Variants in DGKI observed in about 807,000 individuals in gnomAD.
DGKI encodes the protein diacylglycerol kinase iota, also known as DAG kinase iota.
Under a neutral mutation model 147.5 loss-of-function variants are expected in DGKI, and 55 were observed. The observed-to-expected ratio is 0.37, with a 90% CI of 0.30 to 0.47. DGKI has a LOEUF of 0.47. Among genes scored for constraint, DGKI ranks in the 20% least tolerant of loss-of-function variants. The pLI is 1.00. For missense variants in DGKI, 1,007 were observed against 1,323.8 expected (o/e 0.76, Z 3.71); for synonymous variants, 469 against 477.1 (o/e 0.98, Z 0.22).
chr7:137,622,857 T>A, intron 7 of DGKI, among the ~76,000 whole-genome samples: 1 of 152,018 alleles, frequency 6.6e-6, no homozygotes, highest in East Asian at 1.9e-4. Context: ...AAAGGTAGAT[T>A]AAAGAAAAAT....
At chr7:137,617,434 C>T (rs1820573392) in intron 8 of DGKI, among the ~76,000 whole-genome samples, 1 of 151,654 alleles carries the variant, frequency 6.6e-6, no homozygotes, top group African/African-American at 2.4e-5. Flanking sequence ...ATATTTTAGA[C>T]AACAGGAAAA....
intron 1 of DGKI, among the ~76,000 whole-genome samples, chr7:137,757,895 T>G (rs753473361): frequency 1.3e-5 from 2 of 152,148 alleles, no homozygotes; most frequent in Non-Finnish European, 2.9e-5. Context: ...TTAAGACATA[T>G]AGCGAAATTG....
chr7:137,759,264 A>T (rs1018934700), intron 1 of DGKI, among the ~76,000 whole-genome samples: 1 of 151,786 alleles, frequency 6.6e-6, no homozygotes, highest in African/African-American at 2.4e-5. Context: ...CACTGAGACA[A>T]TGGCCTCCAG....
chr7:137,413,534 A>C (rs537274835), intron 28 of DGKI, among the ~76,000 whole-genome samples: 2 of 152,248 alleles, frequency 1.3e-5, no homozygotes, highest in South Asian at 4.2e-4. Context: ...AAGATGCAAT[A>C]TTTGGTTTTC....
chr7:137,421,991 C>T (rs1412784873), intron 28 of DGKI, among the ~76,000 whole-genome samples: 1 of 152,194 alleles, frequency 6.6e-6, no homozygotes, highest in African/African-American at 2.4e-5. Flanking sequence ...CTTTGTAAAT[C>T]TCATGGTGTT....
chr7:137,599,736 TACCTCACAAGG>T lies in DGKI; in HGVS notation c.1250+76_1250+86del. The T allele has an allele frequency of 2.5e-6, 3 of 1,207,336 alleles. No homozygotes were observed. The South Asian group carries it at 3.8e-5, about 15-fold the overall frequency. The allele number at this position is 1,207,336 out of a possible 1,614,324, so 74.8% of individuals were successfully genotyped here. A position where few individuals can be genotyped will look rare whatever the true frequency, so the allele number is the denominator to read the frequency against. Reference sequence around the variant, plus strand: ...AGGTAGATGACAGATGGTCAGGATATACCTCACAAGGTAATCAGATAATGAAGCAGAAAATT... The same window carrying T: ...AGGTAGATGACAGATGGTCAGGATATTAATCAGATAATGAAGCAGAAAATT... On this transcript the variant is annotated intron_variant, in intron 11 of 32. Transcript: ENST00000614521.
chr7:137,830,750 T>C (rs1355163911), intron 1 of DGKI, among the ~76,000 whole-genome samples: 1 of 152,192 alleles, frequency 6.6e-6, no homozygotes, highest in Non-Finnish European at 1.5e-5. Flanking sequence ...TTATCCTGAA[T>C]GTCCTCCAGA....
intron 1 of DGKI, among the ~76,000 whole-genome samples, chr7:137,822,411 A>T (rs1797931899): frequency 6.6e-6 from 1 of 152,134 alleles, no homozygotes; most frequent in Non-Finnish European, 1.5e-5. Context: ...TGTCTCCAAA[A>T]TAATAATAAT....
intron 13 of DGKI, 48 bp downstream of exon 13, chr7:137,587,049 C>T: frequency 7.5e-7 from 1 of 1,339,780 alleles, no homozygotes; most frequent in South Asian, 1.6e-5. Flanking sequence ...GATCTGGAAT[C>T]CGGTTTGTTG....
intron 28 of DGKI, among the ~76,000 whole-genome samples, chr7:137,443,331 A>G (rs1813584587): frequency 6.6e-6 from 1 of 152,196 alleles, no homozygotes; most frequent in Non-Finnish European, 1.5e-5. Context: ...TGTACTAGGG[A>G]AAAGAAATAT....
chr7:137,414,419 G>A (rs988751882), intron 28 of DGKI, among the ~76,000 whole-genome samples: 2 of 152,016 alleles, frequency 1.3e-5, no homozygotes, highest in Non-Finnish European at 2.9e-5. Context: ...CTAGCATAAT[G>A]CTTTGCACAT....
intron 3 of DGKI, among the ~76,000 whole-genome samples, chr7:137,672,010 G>A (rs2116353640): frequency 6.6e-6 from 1 of 152,304 alleles, no homozygotes; most frequent in Non-Finnish European, 1.5e-5. Context: ...AAGTCTGACA[G>A]TTCCATTTTT....
intron 30 of DGKI, among the ~76,000 whole-genome samples, chr7:137,405,940 T>A (rs1354266654): frequency 6.6e-6 from 1 of 151,990 alleles, no homozygotes; most frequent in Non-Finnish European, 1.5e-5. Context: ...ACAGAGAGGA[T>A]CCTAGGACTA....
At chr7:137,507,534 G>C (rs556546045) in intron 21 of DGKI, among the ~76,000 whole-genome samples, 34 of 152,256 alleles carry the variant, frequency 2.2e-4, no homozygotes, top group African/African-American at 7.7e-4. Flanking sequence ...TAATCTTGAA[G>C]AGCAACTCAT....
At chr7:137,781,633 G>A (rs1796521467) in intron 1 of DGKI, among the ~76,000 whole-genome samples, 1 of 152,228 alleles carries the variant, frequency 6.6e-6, no homozygotes, top group African/African-American at 2.4e-5. Flanking sequence ...TTGGAGGAGG[G>A]AAGAAAGCTC....
chr7:137,545,641 T>C (rs1585216965), intron 20 of DGKI, among the ~76,000 whole-genome samples: 1 of 152,180 alleles, frequency 6.6e-6, no homozygotes, highest in South Asian at 2.1e-4. Context: ...AGCATGGAAT[T>C]CTATACAACC....
At chr7:137,552,606 T>C (rs753822040) in intron 19 of DGKI, 38 bp from the exon 20 acceptor site, 9 of 1,606,302 alleles carry the variant, frequency 5.6e-6, no homozygotes, top group Non-Finnish European at 7.7e-6. Flanking sequence ...AAGGAGTTAG[T>C]TATTATTTAA....
At chr7:137,743,330 C>T (rs559051105) in intron 1 of DGKI, among the ~76,000 whole-genome samples, 3 of 152,334 alleles carry the variant, frequency 2.0e-5, no homozygotes, top group East Asian at 3.9e-4. Flanking sequence ...AAAATACATT[C>T]TTCTCATCTG....
At chr7:137,506,613 G>A (rs569942259) in intron 21 of DGKI, among the ~76,000 whole-genome samples, 31 of 152,222 alleles carry the variant, frequency 2.0e-4, no homozygotes, top group African/African-American at 5.5e-4. Context: ...CAATAATAAC[G>A]TATCAGTATT....
Sources: gnomAD v4.1 joint callset for allele counts (sites outside exome capture counted in the v4.1 genomes callset) on GRCh38, gnomAD v4.1.1 for gene constraint, MANE v1.5 for transcripts, NCBI Gene and HGNC (gene_info 2026-07-23, HGNC 2026-07-21) for gene names.